Variants in RP1 observed in about 807,000 individuals in gnomAD.
The protein encoded by RP1 is RP1 axonemal microtubule associated, also known as oxygen-regulated protein 1.
Under a neutral mutation model 14.8 loss-of-function variants are expected in RP1, and 16 were observed. That is an observed-to-expected ratio of 1.08 (90% confidence interval 0.73 to 1.65). The LOEUF is 1.65. Ranked by LOEUF, RP1 falls within the 40% of genes most tolerant of loss-of-function variation. The pLI, the probability that RP1 is intolerant of heterozygous loss-of-function variation, is 0.00. For synonymous variants in RP1, 876 were observed against 883.6 expected (o/e 0.99, Z 0.15); for missense variants, 2,631 against 2,535.0 (o/e 1.04, Z -0.81).
chr8:54,586,146 T>C (rs993698311), intron 1 of RP1, among the ~76,000 whole-genome samples: 1 of 152,196 alleles, frequency 6.6e-6, no homozygotes, highest in Non-Finnish European at 1.5e-5. Context: ...CTTGGGTCTT[T>C]GATGATGGTG....
chr8:54,644,615 C>T lies in RP1; in HGVS notation c.788-4370C>T, dbSNP rs189424574. ...TAGCAAGAGGTTGTTCAGGCACACC[C>T]CTGGCCTATTTCCAGAGCCTATCTA... On this transcript the variant is annotated intron_variant, in intron 3 of 22. Coordinates refer to the RP1 transcript ENST00000636932. Among the ~76,000 whole-genome samples, 364 of 152,264 alleles carry T rather than the reference C, an allele frequency of 2.4e-3. 3 individuals are homozygous for T. Among genetic ancestry groups the T allele is most frequent in the Non-Finnish European group, 1.8e-3 (125 of 68,020 alleles).
At chr8:54,655,817 C>A (rs946433160) in intron 5 of RP1, among the ~76,000 whole-genome samples, 1 of 151,826 alleles carries the variant, frequency 6.6e-6, no homozygotes, top group African/African-American at 2.4e-5. Flanking sequence ...TAGGAGTTGG[C>A]AACCAGCCTG....
At chr8:54,613,776 A>G (rs1372562428), upstream of RP1, among the ~76,000 whole-genome samples, 2 of 152,230 alleles carry the variant, frequency 1.3e-5, no homozygotes, top group Non-Finnish European at 2.9e-5. Flanking sequence ...TAAGATAAAC[A>G]ATATATGCAA....
intron 16 of RP1, among the ~76,000 whole-genome samples, chr8:54,722,020 A>C (rs1326726835): frequency 1.3e-5 from 2 of 151,948 alleles, no homozygotes; most frequent in Non-Finnish European, 2.9e-5. Flanking sequence ...AGATGGGTGG[A>C]TCACTTGAGG....
chr8:54,684,783 T>C (rs955770760), intron 12 of RP1, among the ~76,000 whole-genome samples: 7 of 152,172 alleles, frequency 4.6e-5, no homozygotes, highest in African/African-American at 1.7e-4. Context: ...TGCAGGTACA[T>C]ATACACCATG....
At chr8:54,824,333 AC>A (rs1402847064) in intron 24 of RP1, among the ~76,000 whole-genome samples, 1 of 152,166 alleles carries the variant, frequency 6.6e-6, no homozygotes, top group Non-Finnish European at 1.5e-5. Flanking sequence ...CCTCAAAAAA[AC>A]AAACGAGTAC....
At chr8:54,633,710 C>CTCT (rs1806291723), downstream of RP1, among the ~76,000 whole-genome samples, 1 of 118,532 alleles carries the variant, frequency 8.4e-6, no homozygotes. Context: ...TTATTTTGTG[C>CTCT]CTCTCTCTCT....
intron 12 of RP1, chr8:54,696,742 G>C: frequency 1.4e-6 from 1 of 723,352 alleles, no homozygotes; most frequent in Admixed American, 1.8e-5. Context: ...TAAAGAAAAT[G>C]TTTAGTGGTG....
At chr8:54,793,128 T>A (rs566987199) in intron 24 of RP1, among the ~76,000 whole-genome samples, 2 of 151,798 alleles carry the variant, frequency 1.3e-5, no homozygotes, top group Admixed American at 1.3e-4. Flanking sequence ...CTAAAAAGAT[T>A]GAAACATGAA....
intron 18 of RP1, among the ~76,000 whole-genome samples, chr8:54,737,221 G>A (rs543255129): frequency 6.6e-6 from 1 of 152,270 alleles, no homozygotes; most frequent in South Asian, 2.1e-4. Context: ...ACACTTAAAA[G>A]AGCCTTACCC....
At chr8:54,848,894 G>A (rs367855103) in intron 25 of RP1, among the ~76,000 whole-genome samples, 36 of 152,158 alleles carry the variant, frequency 2.4e-4, no homozygotes, top group Admixed American at 3.9e-4. Flanking sequence ...GATTACAGGC[G>A]CCTGCCACCA....
intron 12 of RP1, among the ~76,000 whole-genome samples, chr8:54,693,892 G>C (rs902282063): frequency 2.0e-5 from 3 of 152,064 alleles, no homozygotes; most frequent in Non-Finnish European, 4.4e-5. Flanking sequence ...TCCCTGTCTC[G>C]TGCCAGTTTT....
intron 24 of RP1, among the ~76,000 whole-genome samples, chr8:54,833,420 AT>A (rs1262223287): frequency 1.3e-5 from 2 of 151,910 alleles, no homozygotes; most frequent in African/African-American, 2.4e-5. Flanking sequence ...AGAATTTATT[AT>A]TGTTGTTGCT....
Position 54,626,734 on chromosome 8 carries a change from GT to G in RP1, c.2857del (p.Ser953GlnfsTer12). ...ETSVVNCSNN[S>X]FSGNDPHTNS... ...AGTGTGGTAAATTGTAGCAATAATA[GT>G]TTTTCAGGGAATGATCCCCATACAA... On this transcript the variant is annotated frameshift_variant, in exon 4 of 4. Coordinates refer to ENST00000220676, the MANE Select transcript of RP1 (RefSeq NM_006269.2). LOFTEE classifies it low-confidence loss of function (END_TRUNC). The G allele has an allele frequency of 6.2e-7, 1 of 1,613,886 alleles. No homozygotes were observed. Among genetic ancestry groups the G allele is most frequent in the South Asian group, 1.1e-5 (1 of 91,074 alleles).
At position 54,660,657 on chromosome 8, in the gene RP1, T is replaced by C. The variant is rs187239471; in HGVS notation, c.1172-3042T>C. ...TGCCTGGGTGCAGGAACCTCTTAGG[T>C]GGTTTCTGGGGTTCTCACAAAGGCA... On this transcript the variant is annotated intron_variant, in intron 6 of 22. Coordinates refer to the RP1 transcript ENST00000636932. 7.6e-3 allele frequency among the ~76,000 whole-genome samples: 1,158 copies of C among 152,054 alleles called. 19 individuals carry two copies. The highest frequency in any genetic ancestry group is 0.027 in the African/African-American group (1,099 of 41,454).
intron 22 of RP1, among the ~76,000 whole-genome samples, chr8:54,764,237 C>CA (rs1809711032): frequency 6.6e-6 from 1 of 152,226 alleles, no homozygotes; most frequent in South Asian, 2.1e-4. Flanking sequence ...CCTTTGCAGC[C>CA]AAAAGCTGGC....
At chr8:54,823,426 G>A (rs961377266) in intron 24 of RP1, among the ~76,000 whole-genome samples, 3 of 152,090 alleles carry the variant, frequency 2.0e-5, no homozygotes, top group Non-Finnish European at 4.4e-5. Flanking sequence ...TGCCTCCCAG[G>A]TTTAAGCAAT....
chr8:54,726,976 T>C (rs1180991557), intron 17 of RP1, among the ~76,000 whole-genome samples: 1 of 152,086 alleles, frequency 6.6e-6, no homozygotes, highest in African/African-American at 2.4e-5. Context: ...CGGGAAAGTA[T>C]AATATATGAT....
chr8:54,852,653 C>T lies in RP1; in HGVS notation c.3915C>T (p.Ile1305=), dbSNP rs541936347. The T allele has an allele frequency of 8.9e-4, 1,097 of 1,230,948 alleles. No individual in the cohort carries two copies. The highest frequency in any genetic ancestry group is 1.3e-3 in the South Asian group (31 of 24,284). 76.3% of individuals were successfully genotyped at this position (1,230,948 alleles called of 1,614,324 possible). A position where few individuals can be genotyped will look rare whatever the true frequency, so the allele number is the denominator to read the frequency against. ...AGTCTAATGTATTTATCAACCTCAT[C>T]GGTACCAGAGGTGATTCAGGAAAAC... Residue 1305 remains isoleucine (I), a synonymous_variant, in exon 26 of 29, where the codon ATC becomes ATT. Coordinates refer to the RP1 transcript ENST00000637698.
Sources: allele counts gnomAD v4.1 joint callset (sites outside exome capture counted in the v4.1 genomes callset), GRCh38; gene constraint gnomAD v4.1.1; transcripts MANE v1.5; gene names NCBI Gene and HGNC (gene_info 2026-07-23, HGNC 2026-07-21).